The following CNTNAP2 variants were observed in gnomAD, a reference collection of about 807,000 sequenced individuals.
CNTNAP2 encodes contactin associated protein 2, also known as contactin-associated protein-like 2.
In CNTNAP2, 98 loss-of-function variants were observed where a neutral mutation model predicts 155.2. The observed-to-expected ratio is 0.63, with a 90% CI of 0.54 to 0.75. CNTNAP2 has a LOEUF of 0.75. Ranked by LOEUF, CNTNAP2 falls within the 30% of genes least tolerant of loss-of-function variation. The pLI, the probability that CNTNAP2 is intolerant of heterozygous loss-of-function variation, is 0.00. For synonymous variants in CNTNAP2, 651 were observed against 631.2 expected, an observed-to-expected ratio of 1.03 and a Z score of -0.47; for missense variants, 1,727 against 1,688.1, an observed-to-expected ratio of 1.02 and a Z score of -0.40.
chr7:147,718,562 G>A (rs1225561824), intron 13 of CNTNAP2, among the ~76,000 whole-genome samples: 4 of 152,034 alleles, frequency 2.6e-5, no homozygotes, highest in African/African-American at 9.7e-5. Context: ...TAAGTCATTA[G>A]ACATAGCAAG....
At chr7:148,290,876 G>C (rs1797177562) in intron 21 of CNTNAP2, among the ~76,000 whole-genome samples, 1 of 152,170 alleles carries the variant, frequency 6.6e-6, no homozygotes, top group African/African-American at 2.4e-5. Flanking sequence ...GTTAAGTACA[G>C]AGAGCTTTTT....
intron 12 of CNTNAP2, among the ~76,000 whole-genome samples, chr7:147,606,293 A>C (rs141983417): frequency 1.5e-3 from 222 of 152,334 alleles, no homozygotes; most frequent in African/African-American, 4.9e-3. Context: ...TGAAAAAGCA[A>C]ATGACAAACA....
intron 13 of CNTNAP2, among the ~76,000 whole-genome samples, chr7:147,665,049 T>C (rs1795672187): frequency 6.6e-6 from 1 of 152,196 alleles, no homozygotes; most frequent in Non-Finnish European, 1.5e-5. Flanking sequence ...GTTTGATTGC[T>C]TTTCACAAAG....
intron 2 of CNTNAP2, among the ~76,000 whole-genome samples, chr7:146,839,030 TCTTA>T (rs1408423273): frequency 2.0e-5 from 3 of 152,182 alleles, no homozygotes; most frequent in Non-Finnish European, 4.4e-5. Context: ...GTTTTTACAT[TCTTA>T]CTATTTGCTG....
At position 147,488,103 on chromosome 7, in the gene CNTNAP2, C is replaced by T. The variant is rs372650731; in HGVS notation, c.1777+2062C>T. 1.4e-4 allele frequency among the ~76,000 whole-genome samples: 21 copies of T among 152,186 alleles called. 1 individual carries two copies. The East Asian group carries it at 3.9e-3, about 28-fold the overall frequency. ...GTAGCTTATTGAAGGCCATTTGCCT[C>T]CTAATAACCTGAAAGACTTGATACA... On this transcript the variant is annotated intron_variant, in intron 11 of 23. Transcript: ENST00000361727.
chr7:148,047,628 A>T (rs1802798040), intron 15 of CNTNAP2, among the ~76,000 whole-genome samples: 1 of 152,244 alleles, frequency 6.6e-6, no homozygotes, highest in Non-Finnish European at 1.5e-5. Context: ...AGCTAAAAGA[A>T]GGCAGGGCAT....
chr7:146,313,157 A>G (rs887178593), intron 1 of CNTNAP2, among the ~76,000 whole-genome samples: 15 of 152,152 alleles, frequency 9.9e-5, no homozygotes, highest in African/African-American at 3.6e-4. Context: ...TAGGTGTACT[A>G]ATATACTTTC....
intron 8 of CNTNAP2, among the ~76,000 whole-genome samples, chr7:147,233,554 T>G (rs192947879): frequency 6.7e-6 from 1 of 149,290 alleles, no homozygotes; most frequent in East Asian, 2.0e-4. Flanking sequence ...TATTGTGGTG[T>G]GAGAACCATA....
chr7:147,411,620 A>T (rs1021101489), intron 10 of CNTNAP2, among the ~76,000 whole-genome samples: 1 of 152,206 alleles, frequency 6.6e-6, no homozygotes, highest in Admixed American at 6.5e-5. Flanking sequence ...TGCTGCTAGA[A>T]CTCCAGAAAT....
chr7:148,198,908 T>G (rs918461537), intron 18 of CNTNAP2, among the ~76,000 whole-genome samples: 1 of 152,136 alleles, frequency 6.6e-6, no homozygotes, highest in Non-Finnish European at 1.5e-5. Context: ...ATTAGTCTCA[T>G]GTGGGTGCTC....
intron 21 of CNTNAP2, among the ~76,000 whole-genome samples, chr7:148,318,914 C>T (rs1210874535): frequency 6.6e-6 from 1 of 152,202 alleles, no homozygotes; most frequent in Non-Finnish European, 1.5e-5. Flanking sequence ...CCTATTAACT[C>T]AGCTTACCAA....
At chr7:147,172,079 A>G (rs972201838) in intron 8 of CNTNAP2, among the ~76,000 whole-genome samples, 11 of 152,306 alleles carry the variant, frequency 7.2e-5, no homozygotes, top group African/African-American at 2.6e-4. Flanking sequence ...GGTTCATTGT[A>G]ATTTCCACTT....
chr7:146,228,803 G>A (rs1300111376), intron 1 of CNTNAP2, among the ~76,000 whole-genome samples: 1 of 151,994 alleles, frequency 6.6e-6, no homozygotes, highest in Non-Finnish European at 1.5e-5. Context: ...TAACCATTGA[G>A]CATACGGACA....
intron 3 of CNTNAP2, among the ~76,000 whole-genome samples, chr7:146,902,837 T>G (rs1198040868): frequency 6.6e-6 from 1 of 152,186 alleles, no homozygotes; most frequent in Non-Finnish European, 1.5e-5. Context: ...AATCTCTGTT[T>G]CCCGAGATGG....
At chr7:146,989,910 G>A (rs548365784) in intron 3 of CNTNAP2, among the ~76,000 whole-genome samples, 8 of 120,790 alleles carry the variant, frequency 6.6e-5, no homozygotes, top group Non-Finnish European at 1.5e-4. Flanking sequence ...TGCTTTGTTA[G>A]TGCCATTGAT....
rs1310677529 is a variant in CNTNAP2, at chr7:147,592,138, T to A, written c.1897+29881T>A. Among the ~76,000 whole-genome samples, 37 of 152,190 alleles carry A rather than the reference T, an allele frequency of 2.4e-4. 1 individual carries two copies. The highest frequency in any genetic ancestry group is 2.4e-3 in the Admixed American group (37 of 15,274). On this transcript the variant is annotated intron_variant, in intron 12 of 23. Transcript: ENST00000361727. ...GAACAGGGACTGTGTCCTGATTTATTCTTACATCTTTAGTGCCTAGCAAAG... is the reference window on the plus strand; with the variant it reads ...GAACAGGGACTGTGTCCTGATTTATACTTACATCTTTAGTGCCTAGCAAAG...
At chr7:147,740,245 G>A (rs111573002) in intron 13 of CNTNAP2, among the ~76,000 whole-genome samples, 4,798 of 144,140 alleles carry the variant, frequency 0.033, 244 homozygotes, top group African/African-American at 0.11. Flanking sequence ...TTCTAAGAGT[G>A]TGATATGTGC....
At chr7:148,253,103 C>A (rs916324517) in intron 20 of CNTNAP2, among the ~76,000 whole-genome samples, 5 of 147,552 alleles carry the variant, frequency 3.4e-5, no homozygotes, top group Non-Finnish European at 7.4e-5. Flanking sequence ...AACTGTAACC[C>A]CAGTTTTGTA....
At chr7:146,586,217 A>G (rs190759707) in intron 1 of CNTNAP2, among the ~76,000 whole-genome samples, 428 of 152,368 alleles carry the variant, frequency 2.8e-3, no homozygotes, top group Non-Finnish European at 4.9e-3. Flanking sequence ...TAATGGAATT[A>G]AATAAAATTT....
Sources: allele counts gnomAD v4.1 joint callset (sites outside exome capture counted in the v4.1 genomes callset), GRCh38; gene constraint gnomAD v4.1.1; transcripts MANE v1.5; gene names NCBI Gene and HGNC (gene_info 2026-07-23, HGNC 2026-07-21).